Variants in SLC22A3 observed in about 807,000 individuals in gnomAD.
SLC22A3 encodes EMT organic cation transporter 3.
In SLC22A3, 51 loss-of-function variants were observed where a neutral mutation model predicts 59.1. The ratio of observed to expected loss-of-function variants is 0.86; its 90% CI spans 0.69 to 1.09. The LOEUF is 1.09. Ranked by LOEUF, SLC22A3 falls within the 50% of genes least tolerant of loss-of-function variation. The pLI is 0.00. For synonymous variants in SLC22A3, 325 were observed against 292.0 expected (o/e 1.11, Z -1.15); for missense variants, 711 against 726.3 (o/e 0.98, Z 0.24).
At chr6:160,393,407 T>TTAGGAGA (rs1374363992) in intron 1 of SLC22A3, among the ~76,000 whole-genome samples, 3 of 151,818 alleles carry the variant, frequency 2.0e-5, no homozygotes, top group African/African-American at 7.3e-5. Flanking sequence ...TCATTTAGCA[T>TTAGGAGA]TAGGTATATC....
In SLC22A3 at chr6:160,355,449, TTTCCTTTCCTCAAAATACC is replaced by T. The variant is rs1185266793; in HGVS notation, c.429+6603_429+6621del. ...TTGGGCTCTTGTGTGCGCTGTTTCCTTTCCTTTCCTCAAAATACCTGTCTTTCCTCGGCCGGGCACGGTG... is the reference window on the plus strand; with the variant it reads ...TTGGGCTCTTGTGTGCGCTGTTTCCTTGTCTTTCCTCGGCCGGGCACGGTG... On this transcript the variant is annotated intron_variant, in intron 1 of 10. Coordinates refer to ENST00000275300, the MANE Select transcript of SLC22A3 (RefSeq NM_021977.4). Among the ~76,000 whole-genome samples, 29 of 152,234 alleles carry T rather than the reference TTTCCTTTCCTCAAAATACC, an allele frequency of 1.9e-4. No homozygotes were observed. In the South Asian group the frequency reaches 6.0e-3, roughly 32 times the overall value.
intron 7 of SLC22A3, among the ~76,000 whole-genome samples, chr6:160,439,963 C>T (rs1363412970): frequency 6.6e-6 from 1 of 152,186 alleles, no homozygotes; most frequent in East Asian, 1.9e-4. Flanking sequence ...AGTAGGTCGC[C>T]AGCCCCTGGG....
At chr6:160,417,420 A>T (rs1442219459) in intron 5 of SLC22A3, among the ~76,000 whole-genome samples, 1 of 152,188 alleles carries the variant, frequency 6.6e-6, no homozygotes, top group Admixed American at 6.5e-5. Context: ...CTACTGCTCA[A>T]TGTGTCTGCA....
intron 1 of SLC22A3, among the ~76,000 whole-genome samples, chr6:160,351,282 A>G (rs1784651634): frequency 6.6e-6 from 1 of 152,128 alleles, no homozygotes; most frequent in African/African-American, 2.4e-5. Context: ...TGCCCGGCTA[A>G]TTTTTTGTAT....
chr6:160,399,842 T>C (rs1170467910), intron 2 of SLC22A3, among the ~76,000 whole-genome samples: 3 of 152,058 alleles, frequency 2.0e-5, no homozygotes, highest in African/African-American at 4.8e-5. Flanking sequence ...CTCAGATCCA[T>C]AAGAGAAGTG....
At chr6:160,352,455 A>G (rs1185434204) in intron 1 of SLC22A3, among the ~76,000 whole-genome samples, 2 of 152,208 alleles carry the variant, frequency 1.3e-5, no homozygotes, top group African/African-American at 4.8e-5. Flanking sequence ...TTCACTGCCC[A>G]GGGAGTGTCT....
chr6:160,443,717 G>T lies in SLC22A3; in HGVS notation c.1485G>T (p.Trp495Cys). 6.2e-7 allele frequency: 1 copy of T among 1,612,082 alleles called. No homozygotes were observed. The part of the protein sequence containing the change: ...PFLLFRLAAV[W>C]LELPLIIFGI... The stretch of plus-strand genomic sequence containing the variant: ...TGCTCTTTCGGCTAGCAGCCGTGTG[G>T]CTAGAACTACCTCTGATCATCTTTG... The change falls in exon 9 of 11, where the codon TGG becomes TGT. Residue 495 changes from tryptophan (W) to cysteine (C), a missense_variant. Physicochemically the swap from Trp to Cys is radical, Grantham distance 215. Coordinates refer to ENST00000275300, the MANE Select transcript of SLC22A3 (RefSeq NM_021977.4).
In SLC22A3 at chr6:160,410,861, T is replaced by C. The variant is rs1374273821; in HGVS notation, c.975+15T>C. ...ATTACTCAGAGGTAATTTCTTTCAGTATGAGTAACAAATATTGCTAAAGCT... is the reference window on the plus strand; with the variant it reads ...ATTACTCAGAGGTAATTTCTTTCAGCATGAGTAACAAATATTGCTAAAGCT... On this transcript the variant is annotated intron_variant, in intron 5 of 10. Transcript: ENST00000275300. The C allele has an allele frequency of 6.8e-7, 1 of 1,465,060 alleles. No individual in the cohort carries two copies. Among genetic ancestry groups the C allele is most frequent in the Non-Finnish European group, 9.6e-7 (1 of 1,046,108 alleles). The allele number at this position is 1,465,060 out of a possible 1,614,324, so 90.8% of individuals were successfully genotyped here. A position where few individuals can be genotyped will look rare whatever the true frequency, so the allele number is the denominator to read the frequency against.
rs1008256562 is a variant in SLC22A3, at chr6:160,426,254, T to G, written c.976-10526T>G. On this transcript the variant is annotated intron_variant, in intron 5 of 10. Coordinates refer to ENST00000275300, the MANE Select transcript of SLC22A3 (RefSeq NM_021977.4). ...CATAAGGAAGGCAAAATTTGGATATTTGACAAATTTGGAAGCACTGAAAAT... is the reference window on the plus strand; with the variant it reads ...CATAAGGAAGGCAAAATTTGGATATGTGACAAATTTGGAAGCACTGAAAAT... The G allele has an allele frequency of 3.0e-6, 3 of 985,296 alleles. No homozygotes were observed. In the African/African-American group the frequency reaches 5.2e-5, roughly 17 times the overall value. 61.0% of individuals were successfully genotyped at this position (985,296 alleles called of 1,614,324 possible).
At chr6:160,364,281 G>A (rs1175503166) in intron 1 of SLC22A3, among the ~76,000 whole-genome samples, 1 of 152,164 alleles carries the variant, frequency 6.6e-6, no homozygotes, top group Non-Finnish European at 1.5e-5. Flanking sequence ...GTAAAGACTG[G>A]CTGCATAGGG....
At chr6:160,441,967 G>A (rs746781279) in intron 7 of SLC22A3, among the ~76,000 whole-genome samples, 2 of 152,124 alleles carry the variant, frequency 1.3e-5, no homozygotes, top group East Asian at 3.9e-4. Context: ...AGTAAAAATG[G>A]TTAACTCCTC....
chr6:160,384,119 G>A (rs1326903331), intron 1 of SLC22A3, among the ~76,000 whole-genome samples: 1 of 152,092 alleles, frequency 6.6e-6, no homozygotes, highest in East Asian at 1.9e-4. Flanking sequence ...TAGTAGAGAC[G>A]GGGTTTTCCC....
chr6:160,441,182 G>A (rs1317544452), intron 7 of SLC22A3, among the ~76,000 whole-genome samples: 1 of 152,144 alleles, frequency 6.6e-6, no homozygotes, highest in Non-Finnish European at 1.5e-5. Context: ...GGGAGTGGCA[G>A]GAGATGGTCC....
chr6:160,432,361 G>A (rs9456538), intron 5 of SLC22A3, among the ~76,000 whole-genome samples: 36,186 of 151,770 alleles, frequency 0.24, 4,889 homozygotes, highest in African/African-American at 0.35. Context: ...AATCGGGTAC[G>A]CTGTGTCTAA....
intron 1 of SLC22A3, among the ~76,000 whole-genome samples, chr6:160,375,002 G>A (rs868546424): frequency 5.3e-5 from 8 of 152,098 alleles, no homozygotes; most frequent in African/African-American, 1.2e-4. Context: ...TGTCCAACTC[G>A]CATAGAAGGC....
intron 1 of SLC22A3, among the ~76,000 whole-genome samples, chr6:160,389,626 T>C (rs575146282): frequency 1.3e-5 from 2 of 152,344 alleles, no homozygotes; most frequent in African/African-American, 4.8e-5. Context: ...AGGTCAGAGA[T>C]TGGTCCCTTC....
At chr6:160,427,770 G>T (rs370665464) in intron 5 of SLC22A3, among the ~76,000 whole-genome samples, 1 of 152,160 alleles carries the variant, frequency 6.6e-6, no homozygotes, top group African/African-American at 2.4e-5. Flanking sequence ...AAACAACTTT[G>T]GCTGACCAGT....
intron 1 of SLC22A3, chr6:160,349,196 G>A (rs1258255531): frequency 7.7e-6 from 4 of 519,202 alleles, no homozygotes; most frequent in Non-Finnish European, 9.9e-6. Context: ...GTGTGCGGGC[G>A]CCGTCATTGG....
At position 160,348,652 on chromosome 6, in the gene SLC22A3, C is replaced by T. The variant is rs768140693; in HGVS notation, c.233C>T (p.Ser78Phe). ...GAGTGGAACCGCACGGCGCCCGCCT[C>T]CCGCGGCCCAGAGCCCCCCGAGCGC... ...EEEWNRTAPA[S>F]RGPEPPERRG... The change falls in exon 1 of 11, where the codon TCC (serine) becomes TTC (phenylalanine). Residue 78 changes from serine (S) to phenylalanine (F), a missense_variant. Physicochemically the swap from Ser to Phe is radical, Grantham distance 155 (BLOSUM62 -2). Coordinates refer to ENST00000275300, the MANE Select transcript of SLC22A3 (RefSeq NM_021977.4). 2.2e-5 allele frequency: 33 copies of T among 1,503,360 alleles called. No homozygotes were observed. Among genetic ancestry groups the T allele is most frequent in the Admixed American group, 6.3e-5 (3 of 47,614 alleles). 93.1% of individuals were successfully genotyped at this position (1,503,360 alleles called of 1,614,324 possible).
Sources: allele counts gnomAD v4.1 joint callset (sites outside exome capture counted in the v4.1 genomes callset), GRCh38; gene constraint gnomAD v4.1.1; transcripts MANE v1.5; gene names NCBI Gene and HGNC (gene_info 2026-07-23, HGNC 2026-07-21).